The following MPHOSPH9 variants were observed in gnomAD, a reference collection of about 807,000 sequenced individuals.
MPHOSPH9 encodes the protein M-phase phosphoprotein 9.
A neutral mutation model predicts 145.5 loss-of-function variants in MPHOSPH9; 88 were observed. The observed-to-expected ratio is 0.60, with a 90% CI of 0.51 to 0.72. MPHOSPH9 has a LOEUF of 0.72. MPHOSPH9 is among the 30% of genes least tolerant of loss of function. MPHOSPH9 has a pLI of 0.00. For missense variants in MPHOSPH9, 1,238 were observed against 1,386.6 expected, an observed-to-expected ratio of 0.89 and a Z score of 1.70; for synonymous variants, 435 against 486.2, an observed-to-expected ratio of 0.89 and a Z score of 1.39.
chr12:123,177,860 A>AC (rs35556097), intron 15 of MPHOSPH9, among the ~76,000 whole-genome samples: 89,550 of 151,170 alleles, frequency 0.59, 30,749 homozygotes, highest in Non-Finnish European at 0.75. Context: ...AATTTCAAAA[A>AC]AAAAAAAAAA....
chr12:123,174,341 A>T (rs892879579), intron 16 of MPHOSPH9, among the ~76,000 whole-genome samples: 5 of 150,366 alleles, frequency 3.3e-5, no homozygotes, highest in Non-Finnish European at 7.4e-5. Context: ...TCCATTCTAC[A>T]ACTTTACGCA....
chr12:123,187,796 CA>C (rs1485676672), intron 13 of MPHOSPH9, among the ~76,000 whole-genome samples: 3 of 152,086 alleles, frequency 2.0e-5, no homozygotes, highest in Admixed American at 6.6e-5. Flanking sequence ...CAGGGAGGAT[CA>C]AGTTCAATTC....
intron 8 of MPHOSPH9, among the ~76,000 whole-genome samples, chr12:123,207,669 C>T (rs1291009316): frequency 1.3e-5 from 2 of 152,022 alleles, no homozygotes; most frequent in Admixed American, 1.3e-4. Context: ...GCCTGGCCAA[C>T]ATGGTGAAAC....
chr12:123,218,567 C>T (rs1446834973), intron 5 of MPHOSPH9, 68 bp from the exon 6 acceptor site: 34 of 1,503,268 alleles, frequency 2.3e-5, no homozygotes, highest in Non-Finnish European at 3.0e-5. Flanking sequence ...GCTGTGTCGC[C>T]CAGGCTGGAG....
intron 8 of MPHOSPH9, among the ~76,000 whole-genome samples, chr12:123,203,606 A>G (rs971628822): frequency 6.6e-6 from 1 of 152,200 alleles, no homozygotes; most frequent in African/African-American, 2.4e-5. Context: ...GATAATGTGA[A>G]CATTAATTAT....
At chr12:123,154,081 T>C (rs1308174309), downstream of MPHOSPH9, 2 of 152,154 alleles carry the variant, frequency 1.3e-5, no homozygotes, top group African/African-American at 2.4e-5. Context: ...ACCATTTCCA[T>C]ACCTCAGGAG....
At chr12:123,204,628 G>C (rs564792978) in intron 8 of MPHOSPH9, among the ~76,000 whole-genome samples, 2 of 152,204 alleles carry the variant, frequency 1.3e-5, no homozygotes, top group South Asian at 4.1e-4. Context: ...TAATCCCAGC[G>C]CTTTGGGAGG....
chr12:123,180,724 T>C (rs61957464), intron 14 of MPHOSPH9, among the ~76,000 whole-genome samples: 4,338 of 152,008 alleles, frequency 0.029, 86 homozygotes, highest in Middle Eastern at 0.044. Context: ...AATATAAAAA[T>C]TAGCTGGGCA....
At chr12:123,181,278 C>A in intron 13 of MPHOSPH9, 68 bp from the exon 14 acceptor site, 1 of 1,402,804 alleles carries the variant, frequency 7.1e-7, no homozygotes, top group South Asian at 1.2e-5. Context: ...GAGGTACAGT[C>A]TACAAAATAA....
chr12:123,216,968 A>G (rs2046990299), intron 6 of MPHOSPH9, among the ~76,000 whole-genome samples: 2 of 151,128 alleles, frequency 1.3e-5, no homozygotes, highest in African/African-American at 4.8e-5. Flanking sequence ...CAGCCTGGGC[A>G]ACAGAGCAAG....
intron 3 of MPHOSPH9, among the ~76,000 whole-genome samples, chr12:123,223,933 T>G (rs1410480069): frequency 6.6e-6 from 1 of 151,484 alleles, no homozygotes; most frequent in African/African-American, 2.4e-5. Flanking sequence ...TTTTATTTAT[T>G]TATTTATTTT....
intron 3 of MPHOSPH9, among the ~76,000 whole-genome samples, chr12:123,226,773 C>A (rs1593247642): frequency 6.6e-6 from 1 of 152,070 alleles, no homozygotes; most frequent in East Asian, 1.9e-4. Context: ...GGACTACAGA[C>A]ACCGTGCCAC....
chr12:123,234,370 A>AT (rs920480824), upstream of MPHOSPH9, among the ~76,000 whole-genome samples: 11 of 109,510 alleles, frequency 1.0e-4, no homozygotes, highest in East Asian at 1.3e-3. Flanking sequence ...ATACCTACCA[A>AT]TTTTTTTTTA....
downstream of MPHOSPH9, among the ~76,000 whole-genome samples, chr12:123,153,835 A>G (rs1482202436): frequency 6.6e-6 from 1 of 151,778 alleles, no homozygotes; most frequent in Non-Finnish European, 1.5e-5. Context: ...CTGAAATATA[A>G]TATTTCTTGA....
At chr12:123,208,615 A>G (rs2046555280) in intron 8 of MPHOSPH9, among the ~76,000 whole-genome samples, 1 of 152,100 alleles carries the variant, frequency 6.6e-6, no homozygotes, top group African/African-American at 2.4e-5. Context: ...ATGAAAATGA[A>G]TGGAGGTGTA....
intron 8 of MPHOSPH9, among the ~76,000 whole-genome samples, chr12:123,208,964 G>A (rs1363076807): frequency 2.6e-5 from 4 of 151,980 alleles, no homozygotes; most frequent in Non-Finnish European, 4.4e-5. Context: ...GCGGAGTCTC[G>A]CTCTGTCACC....
chr12:123,223,306 T>C (rs2047295075), intron 3 of MPHOSPH9, among the ~76,000 whole-genome samples, 179 bp from the exon 4 acceptor site: 1 of 152,082 alleles, frequency 6.6e-6, no homozygotes, highest in Non-Finnish European at 1.5e-5. Context: ...CAGGGAGTTC[T>C]ACAGAAGGCT....
chr12:123,218,007 T>C (rs1478568747), intron 6 of MPHOSPH9, among the ~76,000 whole-genome samples: 1 of 148,740 alleles, frequency 6.7e-6, no homozygotes, highest in African/African-American at 2.5e-5. Context: ...ATTGTGCCAC[T>C]GCACTCCAGC....
chr12:123,241,055 C>T (rs1037417284), intron 1 of MPHOSPH9, among the ~76,000 whole-genome samples: 1 of 151,396 alleles, frequency 6.6e-6, no homozygotes, highest in African/African-American at 2.4e-5. Context: ...AAATGAAAGG[C>T]ATTACCATCC....
Sources: allele counts gnomAD v4.1 joint callset (sites outside exome capture counted in the v4.1 genomes callset), GRCh38; gene constraint gnomAD v4.1.1; transcripts MANE v1.5; gene names NCBI Gene and HGNC (gene_info 2026-07-23, HGNC 2026-07-21).